NTRK2: variants seen among roughly 807,000 people sequenced by gnomAD.
The protein encoded by NTRK2 is neurotrophic receptor tyrosine kinase 2, also known as BDNF/NT-3 growth factors receptor.
In NTRK2, 13 loss-of-function variants were observed where a neutral mutation model predicts 94.5. The ratio of observed to expected loss-of-function variants is 0.14; its 90% CI spans 0.09 to 0.22. The LOEUF is 0.22. Among genes scored for constraint, NTRK2 ranks in the 10% least tolerant of loss-of-function variants. NTRK2 has a pLI of 1.00. For synonymous variants in NTRK2, 372 were observed against 407.4 expected (o/e 0.91, Z 1.05); for missense variants, 639 against 1,071.2 (o/e 0.60, Z 5.63).
rs750625676 is a variant in NTRK2 at position 84,955,269 on chromosome 9, A to T, written c.1938-14A>T. On this transcript the variant is annotated splice_polypyrimidine_tract_variant and intron_variant, in intron 16 of 18. Transcript: ENST00000277120. ...GCTGAGGCCCCCAGCTTCATTCTCCATGTCCTTCCCCAGGGCACACGGCCC... is the reference window on the plus strand; with the variant it reads ...GCTGAGGCCCCCAGCTTCATTCTCCTTGTCCTTCCCCAGGGCACACGGCCC... The T allele has an allele frequency of 6.3e-7, 1 of 1,584,020 alleles. No homozygotes were observed. The highest frequency in any genetic ancestry group is 1.1e-5 in the South Asian group (1 of 87,396).
chr9:84,982,783 G>A (rs1827802218), intron 17 of NTRK2, among the ~76,000 whole-genome samples: 2 of 152,104 alleles, frequency 1.3e-5, no homozygotes, highest in African/African-American at 4.8e-5. Flanking sequence ...ACAGATAAAT[G>A]TGTATGCTTT....
intron 11 of NTRK2, among the ~76,000 whole-genome samples, chr9:84,746,387 A>G (rs754731561): frequency 5.9e-5 from 9 of 152,104 alleles, no homozygotes; most frequent in Non-Finnish European, 8.8e-5. Flanking sequence ...CTGGCCCTTT[A>G]CAAGGAAAGT....
At chr9:84,869,823 T>A (rs1473155828) in intron 14 of NTRK2, among the ~76,000 whole-genome samples, 1 of 152,172 alleles carries the variant, frequency 6.6e-6, no homozygotes, top group African/African-American at 2.4e-5. Flanking sequence ...TCATAATCAT[T>A]TTCATTGGTT....
At chr9:84,701,106 A>G (rs964045649) in intron 2 of NTRK2, among the ~76,000 whole-genome samples, 2 of 152,248 alleles carry the variant, frequency 1.3e-5, no homozygotes, top group Non-Finnish European at 1.5e-5. Flanking sequence ...AAATTCCATG[A>G]TGATGGTTTT....
intron 14 of NTRK2, among the ~76,000 whole-genome samples, chr9:84,929,212 C>T (rs1046841583): frequency 6.6e-6 from 1 of 152,174 alleles, no homozygotes; most frequent in African/African-American, 2.4e-5. Flanking sequence ...CTACAAGCAT[C>T]TATGTCAGCT....
At chr9:84,687,998 C>G (rs1251213941) in intron 2 of NTRK2, among the ~76,000 whole-genome samples, 1 of 152,176 alleles carries the variant, frequency 6.6e-6, no homozygotes, top group African/African-American at 2.4e-5. Context: ...AACCTTGGAC[C>G]TCCCCCTTTC....
At chr9:84,683,367 G>T (rs896739821) in intron 2 of NTRK2, among the ~76,000 whole-genome samples, 6 of 151,970 alleles carry the variant, frequency 3.9e-5, no homozygotes, top group African/African-American at 1.4e-4. Context: ...ACAGGCCCTG[G>T]TGTGTGATGT....
intron 14 of NTRK2, among the ~76,000 whole-genome samples, chr9:84,884,511 C>T (rs1261799233): frequency 1.3e-5 from 2 of 152,118 alleles, no homozygotes; most frequent in Non-Finnish European, 2.9e-5. Context: ...CATGCAACAT[C>T]GACGATTAGC....
chr9:84,724,391 A>G (rs1240315004), intron 8 of NTRK2, 35 bp downstream of exon 8: 5 of 1,613,708 alleles, frequency 3.1e-6, no homozygotes, highest in Non-Finnish European at 4.2e-6. Flanking sequence ...TTTTAATAGC[A>G]AATGATCATG....
intron 14 of NTRK2, among the ~76,000 whole-genome samples, chr9:84,902,266 G>A (rs765359159): frequency 1.3e-4 from 19 of 151,740 alleles, no homozygotes; most frequent in Non-Finnish European, 2.5e-4. Context: ...CCACTTTAGG[G>A]ATCTTTGTCT....
In NTRK2 at chr9:84,670,872, C is replaced by T. The variant is rs1420992400; in HGVS notation, c.124C>T (p.Arg42Trp). The change falls in exon 2 of 19, where the codon CGG (arginine) becomes TGG (tryptophan). Residue 42 changes from arginine (R) to tryptophan (W), a missense_variant. Arg to Trp is a moderately radical substitution (Grantham distance 101). Coordinates refer to ENST00000277120, the MANE Select transcript of NTRK2 (RefSeq NM_006180.6). ...CPTSCKCSAS[R>W]IWCSDPSPGI... ...CACGTCCTGCAAATGCAGTGCCTCTCGGATCTGGTGCAGCGACCCTTCTCC... is the reference window on the plus strand; with the variant it reads ...CACGTCCTGCAAATGCAGTGCCTCTTGGATCTGGTGCAGCGACCCTTCTCC... The T allele has an allele frequency of 6.2e-7, 1 of 1,613,754 alleles. No homozygotes were observed. Among genetic ancestry groups the T allele is most frequent in the Non-Finnish European group, 8.5e-7 (1 of 1,180,038 alleles).
In NTRK2 at chr9:85,024,680, G is replaced by A. The variant is rs889533898; in HGVS notation, c.*3243G>A. 1.3e-5 allele frequency: 3 copies of A among 232,952 alleles called. No homozygotes were observed. Among genetic ancestry groups the A allele is most frequent in the Non-Finnish European group, 2.5e-5 (3 of 117,942 alleles). 14.4% of individuals were successfully genotyped at this position (232,952 alleles called of 1,614,324 possible). ...ACACATTCATGAAGCAGTATATGAA[G>A]TTAGAAGAACAAAAGGAAATACAGG... On this transcript the variant is annotated 3_prime_UTR_variant, in exon 19 of 19. Transcript: ENST00000277120.
At chr9:84,888,070 AT>A (rs935844743) in intron 14 of NTRK2, among the ~76,000 whole-genome samples, 9 of 152,002 alleles carry the variant, frequency 5.9e-5, no homozygotes, top group Admixed American at 5.9e-4. Flanking sequence ...CCAGCCTCGT[AT>A]TTTTTTTCCA....
At chr9:84,765,847 T>C (rs2065976661) in intron 12 of NTRK2, among the ~76,000 whole-genome samples, 1 of 152,126 alleles carries the variant, frequency 6.6e-6, no homozygotes, top group East Asian at 1.9e-4. Flanking sequence ...AAAATATACC[T>C]ATTACATCAT....
intron 12 of NTRK2, among the ~76,000 whole-genome samples, chr9:84,835,899 A>G (rs930790642): frequency 1.4e-4 from 21 of 152,166 alleles, no homozygotes; most frequent in African/African-American, 3.6e-4. Flanking sequence ...ATAAAACTCA[A>G]AACAATTGAC....
intron 12 of NTRK2, among the ~76,000 whole-genome samples, chr9:84,800,885 T>C (rs2070348608): frequency 6.6e-6 from 1 of 152,128 alleles, no homozygotes. Flanking sequence ...GAAATTGGAA[T>C]TTTGGGGCCA....
chr9:84,898,998 G>A (rs975420644), intron 14 of NTRK2, among the ~76,000 whole-genome samples: 1 of 152,154 alleles, frequency 6.6e-6, no homozygotes, highest in African/African-American at 2.4e-5. Context: ...GTTTATTTCT[G>A]AACAAAGGCT....
chr9:84,953,552 G>T (rs542852536), intron 16 of NTRK2, among the ~76,000 whole-genome samples: 1 of 152,330 alleles, frequency 6.6e-6, no homozygotes, highest in South Asian at 2.1e-4. Flanking sequence ...TTGAGTAGGT[G>T]CTTTTGAGCT....
chr9:84,778,352 C>T (rs2067253303), intron 12 of NTRK2, among the ~76,000 whole-genome samples: 1 of 152,170 alleles, frequency 6.6e-6, no homozygotes, highest in Non-Finnish European at 1.5e-5. Context: ...ACCAGCTCAG[C>T]TTATTTCTCT....
Sources: gnomAD v4.1 joint callset for allele counts (sites outside exome capture counted in the v4.1 genomes callset) on GRCh38, gnomAD v4.1.1 for gene constraint, MANE v1.5 for transcripts, NCBI Gene and HGNC (gene_info 2026-07-23, HGNC 2026-07-21) for gene names.